The following CD55 variants were observed in gnomAD, a reference collection of about 807,000 sequenced individuals.
The protein encoded by CD55 is CD55 molecule (Cromer blood group).
Under a neutral mutation model 45.8 loss-of-function variants are expected in CD55, and 41 were observed. The observed-to-expected ratio is 0.90, with a 90% CI of 0.70 to 1.16. The LOEUF is 1.16. Among genes scored for constraint, CD55 ranks in the 50% most tolerant of loss-of-function variants. The pLI is 0.00. For synonymous variants in CD55, 181 were observed against 181.1 expected (o/e 1.00, Z 0.01); for missense variants, 416 against 469.8 (o/e 0.89, Z 1.06).
At chr1:207,348,352 C>T (rs1321338263) in intron 9 of CD55, among the ~76,000 whole-genome samples, 1 of 152,024 alleles carries the variant, frequency 6.6e-6, no homozygotes, top group Admixed American at 6.5e-5. Context: ...TGCTTGTTGG[C>T]CTCATGTATG....
Position 207,323,343 on chromosome 1 carries a change from A to G in CD55, c.286+776A>G, listed in dbSNP as rs553157399. Among the ~76,000 whole-genome samples, 15 of 151,824 alleles carry G rather than the reference A, an allele frequency of 9.9e-5. 1 individual carries two copies. The South Asian group carries it at 2.9e-3, about 29-fold the overall frequency. ...TATAAACTGGGATATAGACAGGTAG[A>G]TAGGTTGATTGTTAAAAATGAATAA... On this transcript the variant is annotated intron_variant, in intron 2 of 9. Transcript: ENST00000367064.
rs150539652 is a variant in CD55 at position 207,342,376 on chromosome 1, T to A, written c.1081+2959T>A. ...GTGAAAGTAGACATCCTTCTCTTGA[T>A]CCAGTTCTTAGAAGAAAGGCTTTCA... is the stretch of plus-strand genomic sequence containing the variant. On this transcript the variant is annotated intron_variant, in intron 9 of 9. Coordinates refer to ENST00000367064, the MANE Select transcript of CD55 (RefSeq NM_000574.5). Among the ~76,000 whole-genome samples the A allele has an allele frequency of 4.1e-3, 629 of 152,274 alleles. 4 individuals are homozygous for A. Among genetic ancestry groups the A allele is most frequent in the African/African-American group, 0.014 (594 of 41,554 alleles).
chr1:207,323,049 C>T (rs941929571), intron 2 of CD55, among the ~76,000 whole-genome samples: 2 of 151,946 alleles, frequency 1.3e-5, no homozygotes, highest in African/African-American at 4.8e-5. Context: ...CATGATCAAT[C>T]AGGGTAATTG....
chr1:207,322,800 G>A (rs2102374066), intron 2 of CD55, among the ~76,000 whole-genome samples: 1 of 152,280 alleles, frequency 6.6e-6, no homozygotes, highest in Middle Eastern at 3.4e-3. Context: ...GAACGAACTA[G>A]TAGAGAAAAT....
At chr1:207,325,445 G>C (rs1654635699) in intron 3 of CD55, among the ~76,000 whole-genome samples, 177 bp from the exon 4 acceptor site, 1 of 151,846 alleles carries the variant, frequency 6.6e-6, no homozygotes, top group South Asian at 2.1e-4. Context: ...GCTTTATTGA[G>C]GTATAATCGA....
intron 5 of CD55, among the ~76,000 whole-genome samples, chr1:207,329,575 T>C (rs900760344): frequency 6.6e-6 from 1 of 152,168 alleles, no homozygotes; most frequent in Admixed American, 6.5e-5. Flanking sequence ...TTATGCCTTA[T>C]ACATGCAAAC....
intron 5 of CD55, 46 bp downstream of exon 5, chr1:207,326,883 T>C (rs776192547): frequency 1.5e-6 from 2 of 1,310,904 alleles, no homozygotes; most frequent in Non-Finnish European, 2.2e-6. Flanking sequence ...GGCTGAGTAC[T>C]CAATGATAAA....
Position 207,357,826 on chromosome 1 carries a change from T to C in CD55, c.1082-1720T>C, listed in dbSNP as rs1397422906. Among the ~76,000 whole-genome samples the C allele has an allele frequency of 2.0e-5, 3 of 152,206 alleles. No individual in the cohort carries two copies. In the East Asian group the frequency reaches 5.8e-4, roughly 29 times the overall value. On this transcript the variant is annotated intron_variant, in intron 9 of 9. Coordinates refer to ENST00000367064, the MANE Select transcript of CD55 (RefSeq NM_000574.5). ...ACAACAGATAGTGCCTAACCCTATA[T>C]ATGCTGTGTTTTTTCCTGTATGTAC...
At chr1:207,329,000 CAT>C (rs1654812266) in intron 5 of CD55, among the ~76,000 whole-genome samples, 1 of 152,186 alleles carries the variant, frequency 6.6e-6, no homozygotes. Context: ...ATACCCAAGA[CAT>C]GTCCACCACA....
At chr1:207,358,954 A>G (rs961709822) in intron 9 of CD55, among the ~76,000 whole-genome samples, 6 of 152,130 alleles carry the variant, frequency 3.9e-5, no homozygotes, top group African/African-American at 1.4e-4. Flanking sequence ...TCATTATGAT[A>G]ATTTGCATCA....
At chr1:207,341,134 T>C (rs1483012407) in intron 9 of CD55, among the ~76,000 whole-genome samples, 1 of 152,216 alleles carries the variant, frequency 6.6e-6, no homozygotes, top group East Asian at 1.9e-4. Flanking sequence ...TTTTCGCTAG[T>C]AAGTTGAGTT....
At chr1:207,333,304 C>T (rs11120733) in intron 6 of CD55, among the ~76,000 whole-genome samples, 105,294 of 152,134 alleles carry the variant, frequency 0.69, 36,913 homozygotes, top group Middle Eastern at 0.83. Context: ...TCTCCTGCCA[C>T]CTTCCAAAGG....
At chr1:207,348,731 T>C (rs149160593) in intron 9 of CD55, among the ~76,000 whole-genome samples, 1 of 152,230 alleles carries the variant, frequency 6.6e-6, no homozygotes, top group Admixed American at 6.5e-5. Context: ...TAATCCATAT[T>C]GAGTTGATTT....
At chr1:207,357,209 A>G (rs1246460164) in intron 9 of CD55, among the ~76,000 whole-genome samples, 1 of 152,184 alleles carries the variant, frequency 6.6e-6, no homozygotes, top group East Asian at 1.9e-4. Context: ...TAATTTTTAC[A>G]GGCATTTGTT....
At chr1:207,335,740 C>T (rs926621200) in intron 6 of CD55, among the ~76,000 whole-genome samples, 19 of 152,124 alleles carry the variant, frequency 1.2e-4, no homozygotes, top group African/African-American at 4.3e-4. Flanking sequence ...AAAAAATGAC[C>T]GATACCATCT....
chr1:207,347,190 C>T, intron 9 of CD55: 1 of 456,242 alleles, frequency 2.2e-6, no homozygotes. Context: ...CTTGAAGCCA[C>T]TCCCCATGAT....
intron 9 of CD55, among the ~76,000 whole-genome samples, chr1:207,350,446 A>G (rs1205798386): frequency 1.3e-5 from 2 of 151,838 alleles, no homozygotes; most frequent in African/African-American, 4.8e-5. Flanking sequence ...TCTTGTTTGT[A>G]TGTTTGGTGG....
At chr1:207,343,550 T>A (rs896088324) in intron 9 of CD55, among the ~76,000 whole-genome samples, 4 of 152,214 alleles carry the variant, frequency 2.6e-5, no homozygotes, top group Non-Finnish European at 5.9e-5. Context: ...CTTGATACAA[T>A]TTTGACTTTT....
chr1:207,330,258 A>C (rs1264636441), intron 5 of CD55, among the ~76,000 whole-genome samples: 1 of 150,648 alleles, frequency 6.6e-6, no homozygotes, highest in Non-Finnish European at 1.5e-5. Flanking sequence ...TGTGCTAAGT[A>C]TTTTCTGTGT....
Sources: gnomAD v4.1 joint callset for allele counts (sites outside exome capture counted in the v4.1 genomes callset) on GRCh38, gnomAD v4.1.1 for gene constraint, MANE v1.5 for transcripts, NCBI Gene and HGNC (gene_info 2026-07-23, HGNC 2026-07-21) for gene names.